Variants in PPP6R2 observed in about 807,000 individuals in gnomAD.
The protein encoded by PPP6R2 is protein phosphatase 6 regulatory subunit 2.
PPP6R2 carries 62 observed loss-of-function variants against 100.2 expected under a neutral mutation model. The observed-to-expected ratio is 0.62, with a 90% CI of 0.50 to 0.76. The LOEUF is 0.76. Among genes scored for constraint, PPP6R2 ranks in the 30% least tolerant of loss-of-function variants. The pLI, the probability that PPP6R2 is intolerant of heterozygous loss-of-function variation, is 0.00. For synonymous variants in PPP6R2, 525 were observed against 514.7 expected (o/e 1.02, Z -0.27); for missense variants, 1,142 against 1,276.3 (o/e 0.89, Z 1.60).
intron 3 of PPP6R2, among the ~76,000 whole-genome samples, chr22:50,401,636 C>CTTTTTCT (rs2058056256): frequency 6.7e-6 from 1 of 150,226 alleles, no homozygotes; most frequent in African/African-American, 2.4e-5. Context: ...CTCAGCCTCC[C>CTTTTTCT]TTTTTCTTTT....
intron 6 of PPP6R2, among the ~76,000 whole-genome samples, chr22:50,417,836 T>C (rs1357295748): frequency 1.3e-5 from 2 of 152,224 alleles, no homozygotes; most frequent in Admixed American, 1.3e-4. Context: ...CTGGCTGCTT[T>C]CTTTTCTCCC....
At chr22:50,385,604 C>T (rs578101494) in intron 2 of PPP6R2, among the ~76,000 whole-genome samples, 6 of 151,348 alleles carry the variant, frequency 4.0e-5, no homozygotes, top group Non-Finnish European at 8.8e-5. Flanking sequence ...CAACCTCTCC[C>T]TCCCGGGTTC....
chr22:50,401,795 G>A (rs987511071), intron 3 of PPP6R2, among the ~76,000 whole-genome samples: 1 of 151,076 alleles, frequency 6.6e-6, no homozygotes, highest in African/African-American at 2.4e-5. Context: ...ACCACGCCCG[G>A]CTAATTTTTT....
At chr22:50,432,976 G>GC (rs1467795798) in intron 12 of PPP6R2, among the ~76,000 whole-genome samples, 1 of 150,718 alleles carries the variant, frequency 6.6e-6, no homozygotes, top group Non-Finnish European at 1.5e-5. Flanking sequence ...CACCTCCTGC[G>GC]CCACTGCTGC....
chr22:50,403,172 A>C (rs1475564573), intron 3 of PPP6R2, among the ~76,000 whole-genome samples: 2 of 151,924 alleles, frequency 1.3e-5, no homozygotes, highest in African/African-American at 2.4e-5. Flanking sequence ...GCACCACTGC[A>C]CTCCAGCCTG....
intron 2 of PPP6R2, among the ~76,000 whole-genome samples, chr22:50,381,907 CAAAA>C (rs369812450): frequency 2.1e-5 from 2 of 95,756 alleles, no homozygotes; most frequent in East Asian, 3.5e-4. Flanking sequence ...GACTCCGTCT[CAAAA>C]AAAAAAAAAA....
In PPP6R2 at chr22:50,440,983, C is replaced by T; in HGVS notation, c.2536C>T (p.Pro846Ser). ...AVSRGPGREA[P>S]PLPTVARTEE... Reference sequence around the variant, plus strand: ...GAGCAGGGGTCCCGGCCGGGAGGCCCCCCCGCTGCCCACAGTGGCCAGGAC... The same window carrying T: ...GAGCAGGGGTCCCGGCCGGGAGGCCTCCCCGCTGCCCACAGTGGCCAGGAC... Residue 846 changes from proline (P) to serine (S), a missense_variant, in exon 22 of 24, where the codon CCC (proline) becomes TCC (serine). Pro to Ser is a moderately conservative substitution (Grantham distance 74). Around this residue, in one of 2 missense-constraint regions of PPP6R2, gnomAD observed 550 missense variants for 517.4 expected, o/e 1.06. Coordinates refer to ENST00000612753, the MANE Select transcript of PPP6R2 (RefSeq NM_001242898.2). 1.2e-6 allele frequency: 2 copies of T among 1,610,338 alleles called. No individual in the cohort carries two copies. The highest frequency in any genetic ancestry group is 1.3e-5 in the African/African-American group (1 of 75,014).
intron 10 of PPP6R2, among the ~76,000 whole-genome samples, chr22:50,424,329 G>A (rs934559309): frequency 3.0e-5 from 4 of 133,588 alleles, no homozygotes; most frequent in African/African-American, 1.1e-4. Flanking sequence ...TTCTGTCAGC[G>A]TGTGGAAGGT....
rs964243957 is a variant in PPP6R2, at chr22:50,419,124, C to G, written c.731+145C>G. ...ACCCCAGGTTCAGAGCCCATGTTAA[C>G]TTGGGGCCTGTTTCCAGAGGGAGGG... On this transcript the variant is annotated intron_variant, in intron 7 of 23. Transcript: ENST00000612753. The G allele has an allele frequency of 2.0e-5, 16 of 784,024 alleles. No individual in the cohort carries two copies. In the East Asian group the frequency reaches 4.3e-4, roughly 21 times the overall value. 48.6% of individuals were successfully genotyped at this position (784,024 alleles called of 1,614,324 possible).
In PPP6R2 at chr22:50,438,320, AC is replaced by A. The variant is rs376619587; in HGVS notation, c.1964+23del. The A allele has an allele frequency of 3.7e-6, 6 of 1,603,892 alleles. No individual in the cohort carries two copies. The South Asian group carries it at 6.7e-5, about 18-fold the overall frequency. ...CCAGGTGCGGGGCCTGCCCATCCCCACAAAGCCTCTGCCGAGGAGGTTCAGC... is the reference window on the plus strand; with the variant it reads ...CCAGGTGCGGGGCCTGCCCATCCCCAAAAGCCTCTGCCGAGGAGGTTCAGC... On this transcript the variant is annotated intron_variant, in intron 18 of 23. Coordinates refer to ENST00000612753, the MANE Select transcript of PPP6R2 (RefSeq NM_001242898.2).
intron 1 of PPP6R2, among the ~76,000 whole-genome samples, chr22:50,347,968 A>T (rs1276132620): frequency 6.6e-6 from 1 of 152,042 alleles, no homozygotes; most frequent in Non-Finnish European, 1.5e-5. Flanking sequence ...TTTCTAACTC[A>T]CTTCAGTTAA....
chr22:50,337,781 TG>T, the PPP6R2 span, among the ~76,000 whole-genome samples: 30 of 140,554 alleles, frequency 2.1e-4, no homozygotes, highest in African/African-American at 8.0e-4. Flanking sequence ...GGTGTGTGTG[TG>T]GGTGTGTGTG....
At chr22:50,346,711 G>A (rs772610026) in intron 1 of PPP6R2, among the ~76,000 whole-genome samples, 9 of 138,398 alleles carry the variant, frequency 6.5e-5, no homozygotes, top group South Asian at 2.4e-4. Context: ...CTGTCAGTCC[G>A]CGCACTGGTC....
intron 1 of PPP6R2, among the ~76,000 whole-genome samples, chr22:50,366,351 C>T (rs1028844733): frequency 4.0e-5 from 6 of 150,796 alleles, no homozygotes; most frequent in Non-Finnish European, 8.8e-5. Context: ...CGCTCTGTCA[C>T]CTAGGCTGGA....
chr22:50,436,585 G>A, intron 14 of PPP6R2, 133 bp downstream of exon 14: 1 of 849,680 alleles, frequency 1.2e-6, no homozygotes, highest in South Asian at 1.6e-5. Context: ...TCTTGACTAT[G>A]CGGTGCCCCT....
At chr22:50,335,988 G>T in the PPP6R2 span, among the ~76,000 whole-genome samples, 4 of 150,030 alleles carry the variant, frequency 2.7e-5, no homozygotes, top group East Asian at 7.8e-4. Flanking sequence ...AATGTTGAAT[G>T]TTTTTTTTCT....
At chr22:50,396,251 C>A (rs1292540370) in intron 3 of PPP6R2, among the ~76,000 whole-genome samples, 6 of 142,072 alleles carry the variant, frequency 4.2e-5, no homozygotes, top group East Asian at 2.2e-4. Flanking sequence ...AATCCCAACA[C>A]TTTGGGAGGC....
intron 1 of PPP6R2, among the ~76,000 whole-genome samples, chr22:50,347,183 G>A (rs1355031858): frequency 6.6e-6 from 1 of 151,754 alleles, no homozygotes; most frequent in Non-Finnish European, 1.5e-5. Context: ...GTCAGTTCCT[G>A]TCCCCTTTCA....
At chr22:50,438,520 G>A (rs749879072) in intron 18 of PPP6R2, 79 bp from the exon 19 acceptor site, 471 of 1,535,514 alleles carry the variant, frequency 3.1e-4, no homozygotes, top group East Asian at 2.7e-3. Context: ...CCTCAGCCCC[G>A]AGCCTGGGGC....
Sources: allele counts gnomAD v4.1 joint callset (sites outside exome capture counted in the v4.1 genomes callset), GRCh38; gene constraint gnomAD v4.1.1; regional missense constraint gnomAD v4.1.1; transcripts MANE v1.5; gene names NCBI Gene and HGNC (gene_info 2026-07-23, HGNC 2026-07-21).